The following PCDHA4 variants were observed in gnomAD, a reference collection of about 807,000 sequenced individuals.
PCDHA4 encodes protocadherin alpha-4.
PCDHA4 carries 49 observed loss-of-function variants against 61.4 expected under a neutral mutation model. The ratio of observed to expected loss-of-function variants is 0.80; its 90% CI spans 0.63 to 1.01. The LOEUF (loss-of-function observed/expected upper bound fraction) is 1.01. Among genes scored for constraint, PCDHA4 ranks in the 50% least tolerant of loss-of-function variants. PCDHA4 has a pLI of 0.00. For synonymous variants in PCDHA4, 590 were observed against 550.3 expected (o/e 1.07, Z -1.01); for missense variants, 1,254 against 1,235.8 (o/e 1.01, Z -0.22).
intron 1 of PCDHA4, chr5:140,822,151 A>C (rs2150114092): frequency 3.1e-6 from 5 of 1,614,248 alleles, no homozygotes; most frequent in Non-Finnish European, 4.2e-6. Context: ...GAAGGACATC[A>C]ATGACAATCC....
At chr5:140,904,164 T>C (rs1475689291) in intron 1 of PCDHA4, among the ~76,000 whole-genome samples, 1 of 152,078 alleles carries the variant, frequency 6.6e-6, no homozygotes, top group Non-Finnish European at 1.5e-5. Flanking sequence ...CAGTTTGTAG[T>C]CTTTTATTCC....
chr5:140,807,154 A>G lies in PCDHA4; in HGVS notation c.-34A>G. On this transcript the variant is annotated 5_prime_UTR_variant, in exon 1 of 4. Coordinates refer to ENST00000530339, the MANE Select transcript of PCDHA4 (RefSeq NM_018907.4). ...AGATTTCCCTTGACTTTGAGAAACG[A>G]TATTTAATCAGAACAAAATACTGTG... The G allele has an allele frequency of 1.3e-6, 2 of 1,585,792 alleles. No homozygotes were observed. The highest frequency in any genetic ancestry group is 1.7e-6 in the Non-Finnish European group (2 of 1,165,750).
At chr5:140,819,848 T>C (rs1554127755) in intron 1 of PCDHA4, among the ~76,000 whole-genome samples, 2 of 152,086 alleles carry the variant, frequency 1.3e-5, no homozygotes, top group African/African-American at 2.4e-5. Context: ...TTTTTCTCCA[T>C]TGAGTATATC....
intron 1 of PCDHA4, among the ~76,000 whole-genome samples, chr5:140,826,668 A>G (rs2150144773): frequency 3.3e-5 from 5 of 152,306 alleles, no homozygotes; most frequent in South Asian, 2.1e-4. Context: ...AGTAAATTGT[A>G]GACGTAATTA....
rs1554213921 is a variant in PCDHA4 at position 140,941,202 on chromosome 5, C to CTTTCTTTCTTTCTTT, written c.2386-37747_2386-37746insTTTCTTTCTTTCTTT. Among the ~76,000 whole-genome samples the CTTTCTTTCTTTCTTT allele has an allele frequency of 5.9e-3, 725 of 122,798 alleles. 27 individuals are homozygous for CTTTCTTTCTTTCTTT. The highest frequency in any genetic ancestry group is 0.024 in the East Asian group (107 of 4,522). The allele number at this position is 122,798 out of a possible 152,430, so 80.6% of individuals were successfully genotyped here. ...TCCTGCTTCTTTTTTTTTCTTTCTTCCTTTCTTTCTTCCTTTCTTTCTTTC... is the reference window on the plus strand; with the variant it reads ...TCCTGCTTCTTTTTTTTTCTTTCTTCTTTCTTTCTTTCTTTCTTTCTTTCTTCCTTTCTTTCTTTC... On this transcript the variant is annotated intron_variant, in intron 1 of 3. Coordinates refer to ENST00000530339, the MANE Select transcript of PCDHA4 (RefSeq NM_018907.4).
In PCDHA4 at chr5:140,967,951, C is replaced by G. The variant is rs150201840; in HGVS notation, c.2386-10998C>G. On this transcript the variant is annotated intron_variant, in intron 1 of 3. Transcript: ENST00000530339. ...TCAGTGTCAATGACCAAGACTCAGG[C>G]CCCAACCGGAAAGTGAGCCTGGGTC... 6 of 1,614,078 alleles carry G rather than the reference C, an allele frequency of 3.7e-6. No homozygotes were observed. The African/African-American group carries it at 6.7e-5, about 18-fold the overall frequency.
At chr5:140,888,938 G>T (rs947628683) in intron 1 of PCDHA4, among the ~76,000 whole-genome samples, 1 of 151,864 alleles carries the variant, frequency 6.6e-6, no homozygotes, top group Admixed American at 6.6e-5. Flanking sequence ...TTTGAGGGAG[G>T]TATAAATTTT....
chr5:140,885,161 T>C (rs1554182019), intron 1 of PCDHA4, among the ~76,000 whole-genome samples: 1 of 151,600 alleles, frequency 6.6e-6, no homozygotes, highest in Non-Finnish European at 1.5e-5. Flanking sequence ...TTGTCTCTAC[T>C]TTTTTGTCCT....
At chr5:140,909,995 A>G (rs1315885700) in intron 1 of PCDHA4, among the ~76,000 whole-genome samples, 2 of 152,178 alleles carry the variant, frequency 1.3e-5, no homozygotes, top group African/African-American at 4.8e-5. Flanking sequence ...AACAGCATAA[A>G]TTGTTGTCAG....
intron 1 of PCDHA4, chr5:140,841,722 G>A (rs2150321630): frequency 1.2e-6 from 2 of 1,613,870 alleles, no homozygotes; most frequent in Admixed American, 1.7e-5. Context: ...CCAGTGTTCC[G>A]GGTAAAAGAC....
At chr5:140,862,361 ACCC>A in intron 1 of PCDHA4, 2 of 339,278 alleles carry the variant, frequency 5.9e-6, no homozygotes, top group South Asian at 4.8e-5. Context: ...GGGACAGACG[ACCC>A]GCACCCTGAC....
intron 1 of PCDHA4, chr5:140,870,762 C>T (rs1581982773): frequency 1.2e-6 from 2 of 1,613,514 alleles, no homozygotes; most frequent in East Asian, 2.2e-5. Context: ...TGCAGGTGTT[C>T]GTGCTGGACG....
At chr5:140,843,385 T>C (rs2150358841) in intron 1 of PCDHA4, 2 of 1,595,900 alleles carry the variant, frequency 1.3e-6, no homozygotes, top group Admixed American at 1.7e-5. Context: ...GCGTTTTGGG[T>C]CCGGAAGCGG....
intron 1 of PCDHA4, chr5:140,830,405 T>A: frequency 6.2e-7 from 1 of 1,614,172 alleles, no homozygotes; most frequent in Non-Finnish European, 8.5e-7. Flanking sequence ...TCTCATGGCC[T>A]TTAGCCCCAG....
chr5:141,006,426 G>A (rs2153987618), intron 3 of PCDHA4, among the ~76,000 whole-genome samples: 1 of 152,170 alleles, frequency 6.6e-6, no homozygotes, highest in Admixed American at 6.5e-5. Context: ...TGTTAGCCAG[G>A]ATGGTCTCAA....
At chr5:140,929,112 C>T in intron 1 of PCDHA4, 6 of 1,614,130 alleles carry the variant, frequency 3.7e-6, no homozygotes, top group Non-Finnish European at 5.1e-6. Context: ...TGACATCAGC[C>T]ACCATAGATG....
At chr5:140,961,446 T>G (rs1318543773) in intron 1 of PCDHA4, among the ~76,000 whole-genome samples, 1 of 152,238 alleles carries the variant, frequency 6.6e-6, no homozygotes. Flanking sequence ...CTAACTACAC[T>G]GTCTTGCAGC....
chr5:140,874,469 G>C (rs2054929448), intron 1 of PCDHA4, among the ~76,000 whole-genome samples: 1 of 152,212 alleles, frequency 6.6e-6, no homozygotes, highest in Non-Finnish European at 1.5e-5. Flanking sequence ...GGAAGATTTA[G>C]AGAAAAAGCA....
chr5:140,998,243 C>T (rs1554256209), intron 3 of PCDHA4, among the ~76,000 whole-genome samples: 1 of 152,164 alleles, frequency 6.6e-6, no homozygotes, highest in Non-Finnish European at 1.5e-5. Context: ...CATTATTATA[C>T]TCATTTTACT....
Sources: allele counts gnomAD v4.1 joint callset (sites outside exome capture counted in the v4.1 genomes callset), GRCh38; gene constraint gnomAD v4.1.1; transcripts MANE v1.5; gene names NCBI Gene and HGNC (gene_info 2026-07-23, HGNC 2026-07-21).